Variants in EFR3B observed in about 807,000 individuals in gnomAD.
The protein encoded by EFR3B is EFR3 homolog B, also known as protein EFR3 homolog B.
In EFR3B, 64 loss-of-function variants were observed where a neutral mutation model predicts 104.7. That is an observed-to-expected ratio of 0.61 (90% confidence interval 0.50 to 0.75). The LOEUF is 0.75. Among genes scored for constraint, EFR3B ranks in the 30% least tolerant of loss-of-function variants. EFR3B has a pLI of 0.00. For synonymous variants in EFR3B, 385 were observed against 417.9 expected (o/e 0.92, Z 0.96); for missense variants, 750 against 1,078.5 (o/e 0.70, Z 4.27).
intron 19 of EFR3B, among the ~76,000 whole-genome samples, chr2:25,148,858 C>G (rs1670921733): frequency 7.4e-6 from 1 of 135,654 alleles, no homozygotes. Flanking sequence ...GGAGGCGGAG[C>G]TTGCAGTGAG....
At chr2:25,123,007 A>T (rs1354343488) in intron 5 of EFR3B, among the ~76,000 whole-genome samples, 1 of 152,184 alleles carries the variant, frequency 6.6e-6, no homozygotes, top group Non-Finnish European at 1.5e-5. Flanking sequence ...ACTCCAATTT[A>T]TAAAAACACT....
At chr2:25,098,024 C>T (rs1014055732) in intron 3 of EFR3B, among the ~76,000 whole-genome samples, 14 of 152,072 alleles carry the variant, frequency 9.2e-5, no homozygotes, top group African/African-American at 3.4e-4. Flanking sequence ...AGTGGCCCTC[C>T]TAAGAGATAC....
At position 25,131,637 on chromosome 2, in the gene EFR3B, C is replaced by T; in HGVS notation, c.986-113C>T. On this transcript the variant is annotated intron_variant, in intron 9 of 22. Transcript: ENST00000403714. This position sits in a 1 kb window ranked among gnomAD's most constrained non-coding sequence, Gnocchi z 7.6. The stretch of plus-strand genomic sequence containing the variant: ...GAGAAGTCCGCCAGGAAGTTGGGAG[C>T]GCAGAGGAAGCCCAGGCTGGAAGGG... The T allele has an allele frequency of 6.7e-7, 1 of 1,491,104 alleles. No individual in the cohort carries two copies. The highest frequency in any genetic ancestry group is 2.5e-5 in the East Asian group (1 of 40,250). 92.4% of individuals were successfully genotyped at this position (1,491,104 alleles called of 1,614,324 possible).
chr2:25,079,056 C>T (rs1411703834), intron 1 of EFR3B, among the ~76,000 whole-genome samples: 1 of 152,174 alleles, frequency 6.6e-6, no homozygotes, highest in African/African-American at 2.4e-5. Context: ...AGTGAGAGGA[C>T]CCCCTACAGT....
At chr2:25,053,764 G>A (rs1397822960) in intron 1 of EFR3B, among the ~76,000 whole-genome samples, 1 of 152,164 alleles carries the variant, frequency 6.6e-6, no homozygotes, top group Non-Finnish European at 1.5e-5. Context: ...AAAATTGGCT[G>A]GGCATGGTGG....
chr2:25,052,374 C>T (rs929230603), intron 1 of EFR3B, among the ~76,000 whole-genome samples: 3 of 151,984 alleles, frequency 2.0e-5, no homozygotes, highest in South Asian at 2.1e-4. Context: ...CTTTTTCATT[C>T]GCTTCTTTGT....
At chr2:25,066,896 G>A (rs568979813) in intron 1 of EFR3B, among the ~76,000 whole-genome samples, 6 of 152,326 alleles carry the variant, frequency 3.9e-5, no homozygotes, top group East Asian at 1.9e-4. Flanking sequence ...ATGTGTGTGC[G>A]TGTGTGCTTT....
intron 15 of EFR3B, among the ~76,000 whole-genome samples, chr2:25,138,678 A>C (rs1265375309): frequency 1.3e-5 from 2 of 152,318 alleles, no homozygotes; most frequent in Admixed American, 1.3e-4. Context: ...ATATGAGCCC[A>C]GTTTAGCAAG....
chr2:25,141,759 G>C (rs1045345802), intron 17 of EFR3B, among the ~76,000 whole-genome samples: 4 of 152,202 alleles, frequency 2.6e-5, no homozygotes, highest in African/African-American at 9.7e-5. Flanking sequence ...TAATGTTTTC[G>C]GATCATAGTG....
chr2:25,075,554 C>T (rs1219800377), intron 1 of EFR3B, among the ~76,000 whole-genome samples: 4 of 152,176 alleles, frequency 2.6e-5, no homozygotes, highest in African/African-American at 9.7e-5. Flanking sequence ...CCTCAGCAAC[C>T]TTGCTCTGTG....
intron 2 of EFR3B, among the ~76,000 whole-genome samples, chr2:25,092,005 G>C (rs1240687887): frequency 6.6e-6 from 1 of 152,082 alleles, no homozygotes; most frequent in Non-Finnish European, 1.5e-5. Flanking sequence ...AGTTCCCTAA[G>C]AGCTGCAGAG....
intron 1 of EFR3B, among the ~76,000 whole-genome samples, chr2:25,067,055 G>C (rs1668354463): frequency 6.6e-6 from 1 of 152,172 alleles, no homozygotes; most frequent in South Asian, 2.1e-4. Context: ...TCAGTGCTCT[G>C]TGTCTCCACT....
intron 4 of EFR3B, among the ~76,000 whole-genome samples, chr2:25,106,880 G>A (rs957268031): frequency 1.3e-5 from 2 of 152,152 alleles, no homozygotes; most frequent in African/African-American, 2.4e-5. Flanking sequence ...TACCACGCCC[G>A]GTCCTTTCCA....
At chr2:25,090,296 C>T (rs1669077541) in intron 1 of EFR3B, among the ~76,000 whole-genome samples, 1 of 152,210 alleles carries the variant, frequency 6.6e-6, no homozygotes, top group Non-Finnish European at 1.5e-5. Flanking sequence ...CCGCCCGCCC[C>T]CTCAGTGAGG....
intron 4 of EFR3B, among the ~76,000 whole-genome samples, chr2:25,109,857 A>ATT (rs1669676172): frequency 6.6e-6 from 1 of 152,156 alleles, no homozygotes; most frequent in South Asian, 2.1e-4. Context: ...TGTTATGTGA[A>ATT]TTTTACTTCA....
Position 25,152,049 on chromosome 2 carries a change from C to T in EFR3B, c.2298+29C>T, listed in dbSNP as rs1283900251. 3 of 1,548,458 alleles carry T rather than the reference C, an allele frequency of 1.9e-6. No individual in the cohort carries two copies. The East Asian group carries it at 7.3e-5, about 38-fold the overall frequency. The stretch of plus-strand genomic sequence containing the variant: ...AGTGAAGCATGACATGGGCGAGTCC[C>T]TGGGAGCCAAGTCAAGACTGAATTT... On this transcript the variant is annotated intron_variant, in intron 21 of 22. Coordinates refer to ENST00000403714, the MANE Select transcript of EFR3B (RefSeq NM_014971.2).
chr2:25,128,889 G>A (rs1670243138), intron 6 of EFR3B, among the ~76,000 whole-genome samples: 1 of 146,232 alleles, frequency 6.8e-6, no homozygotes, highest in Non-Finnish European at 1.5e-5. Flanking sequence ...GAGCCCGGGA[G>A]GCAGAACTTG....
At position 25,132,949 on chromosome 2, in the gene EFR3B, C is replaced by A. The variant is rs1473172146; in HGVS notation, c.1194C>A (p.Ile398=). ...TLPTYQRSEV[I]LFIMSKVPRP... is the part of the protein sequence containing the mutation. ...CCACCTACCAGCGCTCCGAGGTGAT[C>A]CTCTTCATCATGAGCAAGGTCCCGC... Residue 398 remains isoleucine (I), a synonymous_variant, in exon 11 of 23, where the codon ATC becomes ATA. Coordinates refer to ENST00000403714, the MANE Select transcript of EFR3B (RefSeq NM_014971.2). The A allele has an allele frequency of 1.5e-5, 23 of 1,551,460 alleles. No homozygotes were observed. The highest frequency in any genetic ancestry group is 1.7e-5 in the Non-Finnish European group (20 of 1,146,970).
intron 4 of EFR3B, among the ~76,000 whole-genome samples, chr2:25,117,347 G>A (rs1316263376): frequency 6.6e-6 from 1 of 152,048 alleles, no homozygotes; most frequent in African/African-American, 2.4e-5. Context: ...TGACTCTGCT[G>A]TCTGGAAGTG....
Sources: gnomAD v4.1 joint callset for allele counts (sites outside exome capture counted in the v4.1 genomes callset) on GRCh38, gnomAD v4.1.1 for gene constraint, Gnocchi (gnomAD v3.1) non-coding constraint, MANE v1.5 for transcripts, NCBI Gene and HGNC (gene_info 2026-07-23, HGNC 2026-07-21) for gene names.